Variants in PRH1 observed in about 807,000 individuals in gnomAD.
PRH1 encodes the protein proline rich protein HaeIII subfamily 1.
Under a neutral mutation model 7.9 loss-of-function variants are expected in PRH1, and 7 were observed. The ratio of observed to expected loss-of-function variants is 0.89; its 90% CI spans 0.50 to 1.67. PRH1 has a LOEUF of 1.67. PRH1 is among the 40% of genes most tolerant of loss of function. PRH1 has a pLI of 0.00. For synonymous variants in PRH1, 45 were observed against 80.8 expected, an observed-to-expected ratio of 0.56 and a Z score of 2.38; for missense variants, 109 against 223.6, an observed-to-expected ratio of 0.49 and a Z score of 3.27.
At chr12:10,933,065 T>C (rs1314462312) in intron 2 of PRH1, among the ~76,000 whole-genome samples, 1 of 151,980 alleles carries the variant, frequency 6.6e-6, no homozygotes, top group Non-Finnish European at 1.5e-5. Flanking sequence ...GAAAATCCAA[T>C]AAAATTGGCA....
chr12:10,935,878 AG>A (rs976164424), intron 2 of PRH1, among the ~76,000 whole-genome samples: 24 of 152,290 alleles, frequency 1.6e-4, no homozygotes, highest in African/African-American at 5.5e-4. Flanking sequence ...GGAAATTTTA[AG>A]AAAAAACTTT....
At chr12:11,075,535 G>C (rs1246720999) in intron 1 of PRH1, among the ~76,000 whole-genome samples, 2 of 114,122 alleles carry the variant, frequency 1.8e-5, no homozygotes, top group African/African-American at 5.9e-5. Flanking sequence ...CTTGTGATGG[G>C]GTCTGCTAAC....
At chr12:10,993,056 C>T (rs1337988524) in intron 1 of PRH1, among the ~76,000 whole-genome samples, 4 of 152,208 alleles carry the variant, frequency 2.6e-5, no homozygotes, top group Non-Finnish European at 5.9e-5. Flanking sequence ...ATTCTGTTAA[C>T]CTATCTGGCT....
chr12:10,922,829 TTC>T (rs1442938811), intron 2 of PRH1, among the ~76,000 whole-genome samples: 2 of 104,100 alleles, frequency 1.9e-5, no homozygotes, highest in Admixed American at 1.0e-4. Flanking sequence ...TTTTTTCTTT[TTC>T]TTTTTTTTGA....
chr12:11,013,615 C>T (rs1393319653), intron 1 of PRH1, among the ~76,000 whole-genome samples: 1 of 151,946 alleles, frequency 6.6e-6, no homozygotes, highest in African/African-American at 2.4e-5. Flanking sequence ...ATAATAATCC[C>T]CTGCCTATCA....
chr12:10,975,218 A>G (rs939953052), intron 1 of PRH1, among the ~76,000 whole-genome samples: 1 of 152,214 alleles, frequency 6.6e-6, no homozygotes, highest in African/African-American at 2.4e-5. Context: ...CTAACAATGG[A>G]CCTTTTAGTA....
At chr12:11,058,910 T>G (rs780409209) in intron 1 of PRH1, among the ~76,000 whole-genome samples, 4 of 152,164 alleles carry the variant, frequency 2.6e-5, no homozygotes, top group Non-Finnish European at 5.9e-5. Context: ...GACACAGACA[T>G]GTGCTTTCTT....
At chr12:11,016,104 G>T (rs1344847292) in intron 1 of PRH1, among the ~76,000 whole-genome samples, 2 of 152,192 alleles carry the variant, frequency 1.3e-5, no homozygotes, top group Non-Finnish European at 2.9e-5. Flanking sequence ...CAACAGAAGG[G>T]CATATTGAAA....
At chr12:11,031,812 G>T (rs562436022) in intron 1 of PRH1, among the ~76,000 whole-genome samples, 1 of 152,308 alleles carries the variant, frequency 6.6e-6, no homozygotes, top group Non-Finnish European at 1.5e-5. Context: ...GCTAGCTACA[G>T]AAACGTTCTC....
At chr12:10,907,187 T>C (rs1949817015) in intron 2 of PRH1, among the ~76,000 whole-genome samples, 1 of 152,166 alleles carries the variant, frequency 6.6e-6, no homozygotes, top group African/African-American at 2.4e-5. Flanking sequence ...ACTCTGGCAG[T>C]TTTTTCTTAA....
At chr12:10,889,479 T>C (rs1949540254) in intron 2 of PRH1, among the ~76,000 whole-genome samples, 1 of 152,206 alleles carries the variant, frequency 6.6e-6, no homozygotes, top group South Asian at 2.1e-4. Flanking sequence ...ACAATGAATT[T>C]TCCTGGAATG....
intron 1 of PRH1, among the ~76,000 whole-genome samples, chr12:11,108,970 G>C (rs1047992045): frequency 1.3e-5 from 2 of 152,170 alleles, no homozygotes; most frequent in Admixed American, 6.5e-5. Context: ...TGGGATGCTT[G>C]AGCTTAGTCA....
intron 1 of PRH1, among the ~76,000 whole-genome samples, chr12:11,017,473 A>G (rs1309885440): frequency 7.0e-6 from 1 of 142,312 alleles, no homozygotes; most frequent in East Asian, 2.0e-4. Flanking sequence ...ATGTTGAAAA[A>G]TCAATTAATT....
chr12:10,997,551 T>G, intron 1 of PRH1: 1 of 1,614,094 alleles, frequency 6.2e-7, no homozygotes, highest in East Asian at 2.2e-5. Context: ...TTGACGATCT[T>G]GAGCAAATAA....
Position 10,983,852 on chromosome 12 carries a change from CAT to C in PRH1, c.-125-10133_-125-10132del, listed in dbSNP as rs575137160. Among the ~76,000 whole-genome samples the C allele has an allele frequency of 3.8e-3, 572 of 152,312 alleles. 6 individuals carry two copies. The highest frequency in any genetic ancestry group is 0.012 in the African/African-American group (518 of 41,578). On this transcript the variant is annotated intron_variant, in intron 1 of 3. Transcript: ENST00000539853. Reference sequence around the variant, plus strand: ...CACATTTGCTTTGCCTCAATTTCCACATGTCCTGGCCATTGCTGCCCTGGACT... The same window carrying C: ...CACATTTGCTTTGCCTCAATTTCCACGTCCTGGCCATTGCTGCCCTGGACT...
chr12:10,942,296 C>T (rs999807748), intron 2 of PRH1, among the ~76,000 whole-genome samples: 6 of 152,170 alleles, frequency 3.9e-5, no homozygotes, highest in African/African-American at 1.4e-4. Flanking sequence ...GAGTTTATGC[C>T]CTTTGTGCTC....
At chr12:11,115,359 A>C (rs1478479208) in intron 1 of PRH1, among the ~76,000 whole-genome samples, 1 of 152,160 alleles carries the variant, frequency 6.6e-6, no homozygotes, top group Non-Finnish European at 1.5e-5. Flanking sequence ...TGCAATTGTA[A>C]ATATATATGC....
At chr12:11,166,662 C>A (rs1246986711) in intron 1 of PRH1, among the ~76,000 whole-genome samples, 3 of 152,236 alleles carry the variant, frequency 2.0e-5, no homozygotes, top group Non-Finnish European at 4.4e-5. Flanking sequence ...TTCTATTACT[C>A]CACTTTAAAA....
chr12:11,090,359 A>T (rs1379944145), intron 1 of PRH1, among the ~76,000 whole-genome samples: 1 of 117,194 alleles, frequency 8.5e-6, no homozygotes, highest in Non-Finnish European at 2.0e-5. Flanking sequence ...GAAGTTTAGA[A>T]GGAATTTTAC....
Sources: gnomAD v4.1 joint callset for allele counts (sites outside exome capture counted in the v4.1 genomes callset) on GRCh38, gnomAD v4.1.1 for gene constraint, MANE v1.5 for transcripts, NCBI Gene and HGNC (gene_info 2026-07-23, HGNC 2026-07-21) for gene names.